Variants in SLC2A14 observed in about 807,000 individuals in gnomAD.
SLC2A14 encodes the protein solute carrier family 2, facilitated glucose transporter member 14.
SLC2A14 carries 13 observed loss-of-function variants against 43.0 expected under a neutral mutation model. The ratio of observed to expected loss-of-function variants is 0.30; its 90% CI spans 0.20 to 0.48. SLC2A14 has a LOEUF of 0.48. SLC2A14 is among the 20% of genes least tolerant of loss of function. SLC2A14 has a pLI of 0.99. For missense variants in SLC2A14, 428 were observed against 620.4 expected (o/e 0.69, Z 3.29); for synonymous variants, 190 against 233.8 (o/e 0.81, Z 1.71).
intron 2 of SLC2A14, among the ~76,000 whole-genome samples, chr12:7,840,827 A>G (rs1334739695): frequency 1.3e-5 from 2 of 152,234 alleles, no homozygotes; most frequent in Non-Finnish European, 2.9e-5. Context: ...AAAGAAAAAA[A>G]GGAGTCAAGA....
intron 2 of SLC2A14, among the ~76,000 whole-genome samples, chr12:7,857,417 C>T (rs545297103): frequency 1.3e-5 from 2 of 151,952 alleles, no homozygotes; most frequent in South Asian, 2.1e-4. Context: ...GGTGAAACCC[C>T]GTCTCTATTA....
chr12:7,864,482 G>A (rs1265278115), intron 2 of SLC2A14, among the ~76,000 whole-genome samples: 1 of 152,020 alleles, frequency 6.6e-6, no homozygotes, highest in Non-Finnish European at 1.5e-5. Flanking sequence ...GGGACTGCAG[G>A]TGCGCACCAC....
chr12:7,827,829 G>A (rs1376569270), intron 6 of SLC2A14, 147 bp from the exon 7 acceptor site: 1 of 1,469,310 alleles, frequency 6.8e-7, no homozygotes, highest in Non-Finnish European at 9.0e-7. Flanking sequence ...CATTCTTTAG[G>A]GGCTGAAAAT....
intron 1 of SLC2A14, among the ~76,000 whole-genome samples, chr12:7,885,498 C>T (rs2121120688): frequency 6.6e-6 from 1 of 151,368 alleles, no homozygotes; most frequent in African/African-American, 2.4e-5. Flanking sequence ...CTCCAATTTT[C>T]TGAATGTTAA....
chr12:7,831,214 T>C (rs1864993506), intron 4 of SLC2A14: 2 of 167,018 alleles, frequency 1.2e-5, no homozygotes, highest in Admixed American at 1.2e-4. Context: ...CAATCCTGTG[T>C]AGAGGTAACA....
At chr12:7,873,978 G>A (rs1945363566), upstream of SLC2A14, among the ~76,000 whole-genome samples, 1 of 152,118 alleles carries the variant, frequency 6.6e-6, no homozygotes, top group African/African-American at 2.4e-5. Context: ...GCCATTAAAA[G>A]GGTCTATACT....
chr12:7,876,280 C>CAAAAAAAAAAAAAAAAA (rs59935166), upstream of SLC2A14, among the ~76,000 whole-genome samples: 17 of 68,202 alleles, frequency 2.5e-4, no homozygotes, highest in Non-Finnish European at 3.2e-4. Context: ...AACTCCATCT[C>CAAAAAAAAAAAAAAAAA]AAAAAAAAAA....
At chr12:7,855,541 GC>G (rs1443163602) in intron 2 of SLC2A14, among the ~76,000 whole-genome samples, 1 of 152,104 alleles carries the variant, frequency 6.6e-6, no homozygotes, top group African/African-American at 2.4e-5. Context: ...TACTACCCCT[GC>G]AGCTGCCTGT....
Position 7,871,650 on chromosome 12 carries a change from C to T in SLC2A14, c.-58+1157G>A, listed in dbSNP as rs1436707060. 5.9e-5 allele frequency among the ~76,000 whole-genome samples: 9 copies of T among 152,106 alleles called. 1 individual carries two copies. Among genetic ancestry groups the T allele is most frequent in the Admixed American group, 6.5e-5 (1 of 15,272 alleles). ...TTATGAAGAGATGGGCCTCCAGGACCTGGAGGTACTGAGAGAAAGCCCCCA... is the reference window on the plus strand; with the variant it reads ...TTATGAAGAGATGGGCCTCCAGGACTTGGAGGTACTGAGAGAAAGCCCCCA... On this transcript the variant is annotated intron_variant, in intron 1 of 10. Transcript: ENST00000431042.
chr12:7,883,928 C>CTTTCT (rs1350899536), intron 1 of SLC2A14, among the ~76,000 whole-genome samples: 7 of 150,330 alleles, frequency 4.7e-5, no homozygotes, highest in East Asian at 2.0e-4. Flanking sequence ...TTCTTTCTTT[C>CTTTCT]TTTTTTTTTG....
intron 2 of SLC2A14, chr12:7,863,479 T>C (rs1944721651): frequency 4.5e-6 from 2 of 447,396 alleles, no homozygotes; most frequent in African/African-American, 2.0e-5. Context: ...ACAAAAAAAT[T>C]AGCTGGGTGT....
intron 1 of SLC2A14, among the ~76,000 whole-genome samples, chr12:7,880,910 C>T (rs1218433679): frequency 1.3e-5 from 2 of 151,832 alleles, no homozygotes; most frequent in Non-Finnish European, 2.9e-5. Flanking sequence ...CAGGCTGAGG[C>T]GGGTGGATCA....
chr12:7,891,152 G>C, upstream of SLC2A14: 1 of 1,528,294 alleles, frequency 6.5e-7, no homozygotes, highest in East Asian at 2.5e-5. Context: ...AGGTTGTGTG[G>C]GAGCAAAGCC....
chr12:7,817,043 T>A (rs753690709), intron 10 of SLC2A14, among the ~76,000 whole-genome samples: 15 of 152,122 alleles, frequency 9.9e-5, no homozygotes, highest in Non-Finnish European at 2.1e-4. Flanking sequence ...ATTTCTGGAA[T>A]TTTCCATTTA....
intron 2 of SLC2A14, among the ~76,000 whole-genome samples, chr12:7,840,797 C>T (rs777132908): frequency 1.3e-5 from 2 of 152,066 alleles, no homozygotes; most frequent in South Asian, 2.1e-4. Flanking sequence ...AACCTACTGG[C>T]GGTCTAGACG....
rs986661493 is a variant in SLC2A14 at position 7,812,921 on chromosome 12, A to G, written c.*1395T>C. On this transcript the variant is annotated 3_prime_UTR_variant, in exon 11 of 11. Coordinates refer to ENST00000431042, the MANE Select transcript of SLC2A14 (RefSeq NM_001286234.2). ...ACATACTTCCACCCAGAGCAAAGTG[A>G]CAGTGCACATACATTCATCCTCTCA... The G allele has an allele frequency of 3.9e-5, 6 of 152,204 alleles. No individual in the cohort carries two copies. Among genetic ancestry groups the G allele is most frequent in the African/African-American group, 1.4e-4 (6 of 41,438 alleles). 9.4% of individuals were successfully genotyped at this position (152,204 alleles called of 1,614,324 possible).
intron 1 of SLC2A14, 123 bp downstream of exon 1, chr12:7,872,682 CTT>C: frequency 1.3e-6 from 1 of 783,070 alleles, no homozygotes; most frequent in Non-Finnish European, 1.6e-6. Context: ...CCGCAGCTCT[CTT>C]CTTTCTTAGC....
intron 2 of SLC2A14, among the ~76,000 whole-genome samples, chr12:7,867,528 A>C (rs1381092106): frequency 6.6e-5 from 10 of 151,986 alleles, no homozygotes; most frequent in Non-Finnish European, 1.5e-4. Flanking sequence ...ATGGATGAGG[A>C]GGTGCTGCTT....
At chr12:7,883,304 G>A (rs1435059531) in intron 1 of SLC2A14, among the ~76,000 whole-genome samples, 5 of 69,514 alleles carry the variant, frequency 7.2e-5, no homozygotes, top group Admixed American at 1.8e-4. Flanking sequence ...GTCTTGCTTT[G>A]TCTCCCAGGG....
Sources: allele counts gnomAD v4.1 joint callset (sites outside exome capture counted in the v4.1 genomes callset), GRCh38; gene constraint gnomAD v4.1.1; transcripts MANE v1.5; gene names NCBI Gene and HGNC (gene_info 2026-07-23, HGNC 2026-07-21).